Variants in PREX2 observed in about 807,000 individuals in gnomAD.
PREX2 encodes phosphatidylinositol 3,4,5-trisphosphate-dependent Rac exchanger 2 protein.
A neutral mutation model predicts 203.2 loss-of-function variants in PREX2; 107 were observed. That is an observed-to-expected ratio of 0.53 (90% CI 0.45 to 0.62). PREX2 has a LOEUF of 0.62. PREX2 is among the 20% of genes least tolerant of loss of function. PREX2 has a pLI of 0.00. For synonymous variants in PREX2, 672 were observed against 663.6 expected, an observed-to-expected ratio of 1.01 and a Z score of -0.19; for missense variants, 1,777 against 1,955.9, an observed-to-expected ratio of 0.91 and a Z score of 1.72.
intron 11 of PREX2, among the ~76,000 whole-genome samples, chr8:68,061,546 G>GA (rs1244042389): frequency 2.6e-5 from 4 of 152,142 alleles, no homozygotes; most frequent in South Asian, 2.1e-4. Flanking sequence ...CCGTGGGCAT[G>GA]AAAAAACCCA....
chr8:68,019,442 A>T (rs1807498988), intron 2 of PREX2, 107 bp from the exon 3 acceptor site: 1 of 798,004 alleles, frequency 1.3e-6, no homozygotes. Context: ...AGGTGGGAGG[A>T]AGGCATGGAT....
chr8:68,103,645 G>A (rs1489720571), intron 23 of PREX2: 1 of 519,108 alleles, frequency 1.9e-6, no homozygotes, highest in Non-Finnish European at 3.8e-6. Flanking sequence ...TTCCCTCTGT[G>A]TAACTGAAAT....
chr8:67,997,925 T>C (rs4538855), intron 1 of PREX2, among the ~76,000 whole-genome samples: 88,840 of 151,900 alleles, frequency 0.58, 26,319 homozygotes, highest in South Asian at 0.66. Flanking sequence ...TAAATGATAA[T>C]ATTATTATTT....
chr8:68,129,162 C>G (rs1204124488), intron 31 of PREX2, among the ~76,000 whole-genome samples: 1 of 152,154 alleles, frequency 6.6e-6, no homozygotes, highest in Non-Finnish European at 1.5e-5. Context: ...ACAGTCAACA[C>G]TGACGTTGGA....
chr8:67,993,211 A>G (rs1806658191), intron 1 of PREX2, among the ~76,000 whole-genome samples: 1 of 152,110 alleles, frequency 6.6e-6, no homozygotes, highest in African/African-American at 2.4e-5. Context: ...CCTTGCTTCA[A>G]TTGTATCATC....
chr8:67,963,832 A>T (rs1187849223), intron 1 of PREX2, among the ~76,000 whole-genome samples: 1 of 152,202 alleles, frequency 6.6e-6, no homozygotes, highest in African/African-American at 2.4e-5. Context: ...TATGTAATCA[A>T]CATGGCCTTT....
intron 35 of PREX2, among the ~76,000 whole-genome samples, chr8:68,191,018 T>C (rs937986151): frequency 1.3e-5 from 2 of 152,124 alleles, no homozygotes; most frequent in African/African-American, 4.8e-5. Flanking sequence ...TGAAATACTA[T>C]ACAGCCATAA....
At chr8:68,227,908 T>A (rs184098867) in intron 39 of PREX2, among the ~76,000 whole-genome samples, 1 of 152,318 alleles carries the variant, frequency 6.6e-6, no homozygotes, top group East Asian at 1.9e-4. Flanking sequence ...TTTTGCATTC[T>A]CCCCTTTAGC....
intron 33 of PREX2, among the ~76,000 whole-genome samples, chr8:68,145,300 G>A (rs922408394): frequency 2.0e-5 from 3 of 152,020 alleles, no homozygotes; most frequent in African/African-American, 7.2e-5. Context: ...TTAATGTCAT[G>A]TTTCCCATAT....
intron 37 of PREX2, among the ~76,000 whole-genome samples, chr8:68,198,418 T>C (rs924468046): frequency 6.6e-6 from 1 of 152,230 alleles, no homozygotes; most frequent in African/African-American, 2.4e-5. Context: ...CAAATTTGCT[T>C]TTGTACCCAT....
chr8:68,030,485 G>A lies in PREX2; in HGVS notation c.544-12G>A, dbSNP rs1807849931. 2 of 1,609,722 alleles carry A rather than the reference G, an allele frequency of 1.2e-6. No homozygotes were observed. The highest frequency in any genetic ancestry group is 1.3e-5 in the African/African-American group (1 of 74,610). On this transcript the variant is annotated splice_polypyrimidine_tract_variant and intron_variant, in intron 5 of 39. Coordinates refer to ENST00000288368, the MANE Select transcript of PREX2 (RefSeq NM_024870.4). ...AGATCAAAGGGCGATTTGTTTTTTTGTGTATAAACAGGAGTTGCTGAAGCG... is the reference window on the plus strand; with the variant it reads ...AGATCAAAGGGCGATTTGTTTTTTTATGTATAAACAGGAGTTGCTGAAGCG...
Position 68,118,078 on chromosome 8 carries a change from G to A in PREX2, c.3327-472G>A, listed in dbSNP as rs779620500. On this transcript the variant is annotated intron_variant, in intron 26 of 39. Transcript: ENST00000288368. Reference sequence around the variant, plus strand: ...AATCAAAAATATGCCATCTTTGGCCGGGCGTGGTGGCTCACGCCTGTAATC... The same window carrying A: ...AATCAAAAATATGCCATCTTTGGCCAGGCGTGGTGGCTCACGCCTGTAATC... Among the ~76,000 whole-genome samples the A allele has an allele frequency of 7.9e-5, 12 of 152,230 alleles. No individual in the cohort carries two copies. In the South Asian group the frequency reaches 1.0e-3, roughly 13 times the overall value.
chr8:68,049,843 A>C (rs2129611052), intron 8 of PREX2, among the ~76,000 whole-genome samples: 1 of 152,206 alleles, frequency 6.6e-6, no homozygotes, highest in East Asian at 1.9e-4. Flanking sequence ...CTTTAGGGAT[A>C]AGTTTAATTT....
chr8:68,055,260 C>A (rs1407644861), intron 9 of PREX2, among the ~76,000 whole-genome samples: 1 of 152,152 alleles, frequency 6.6e-6, no homozygotes, highest in Non-Finnish European at 1.5e-5. Context: ...TCTTGGCTAT[C>A]CTACCAGCTC....
intron 18 of PREX2, among the ~76,000 whole-genome samples, chr8:68,084,028 G>A (rs1809609751): frequency 6.6e-6 from 1 of 151,958 alleles, no homozygotes; most frequent in African/African-American, 2.4e-5. Context: ...TAAAGTATTG[G>A]TACACATATA....
intron 25 of PREX2, among the ~76,000 whole-genome samples, chr8:68,111,980 A>G (rs1028213211): frequency 1.2e-4 from 19 of 152,208 alleles, no homozygotes; most frequent in African/African-American, 4.6e-4. Flanking sequence ...TCTAGAAGTT[A>G]TTCATCCCTG....
chr8:68,205,056 T>A (rs1004632572), intron 37 of PREX2, among the ~76,000 whole-genome samples: 1 of 152,184 alleles, frequency 6.6e-6, no homozygotes, highest in Non-Finnish European at 1.5e-5. Flanking sequence ...AAACCCAGTA[T>A]GGTCATAGGA....
At chr8:68,113,309 C>T (rs1345263373) in intron 25 of PREX2, among the ~76,000 whole-genome samples, 2 of 152,086 alleles carry the variant, frequency 1.3e-5, no homozygotes, top group Admixed American at 1.3e-4. Context: ...TATGCTTAGC[C>T]CCATGACTTC....
intron 31 of PREX2, 98 bp downstream of exon 31, chr8:68,127,517 C>A: frequency 2.6e-6 from 2 of 772,928 alleles, no homozygotes; most frequent in Non-Finnish European, 4.4e-6. Context: ...CAACCATTTA[C>A]AAAATAGAAA....
Sources: gnomAD v4.1 joint callset for allele counts (sites outside exome capture counted in the v4.1 genomes callset) on GRCh38, gnomAD v4.1.1 for gene constraint, MANE v1.5 for transcripts, NCBI Gene and HGNC (gene_info 2026-07-23, HGNC 2026-07-21) for gene names.